Variants in CLCN7 observed in about 807,000 individuals in gnomAD.
CLCN7 encodes the protein H(+)/Cl(-) exchange transporter 7.
In CLCN7, 60 loss-of-function variants were observed where a neutral mutation model predicts 102.1. That is an observed-to-expected ratio of 0.59 (90% CI 0.48 to 0.73). CLCN7 has a LOEUF of 0.73. Among genes scored for constraint, CLCN7 ranks in the 30% least tolerant of loss-of-function variants. The pLI is 0.00. For synonymous variants in CLCN7, 560 were observed against 490.5 expected (o/e 1.14, Z -1.87); for missense variants, 962 against 1,125.7 (o/e 0.85, Z 2.08).
chr16:1,447,840 G>A (rs912531253), intron 21 of CLCN7, 126 bp from the exon 22 acceptor site: 19 of 1,036,590 alleles, frequency 1.8e-5, no homozygotes, highest in African/African-American at 4.8e-5. Flanking sequence ...GCCCCGTGTC[G>A]GTGGCTACCT....
rs2038917756 is a variant in CLCN7 at position 1,460,526 on chromosome 16, A to G, written c.486T>C (p.Asn162=). The stretch of plus-strand genomic sequence containing the variant: ...CGCCCTTCTCTGTGAACTTGTCGAT[A>G]TCTGGGGCTCATCAAGGAGGGCTGG... ...AGLKYRVIKG[N]IDKFTEKGGL... Residue 162 remains asparagine, a splice_region_variant and synonymous_variant, in exon 6 of 25, where the codon AAT becomes AAC. Transcript: ENST00000382745. 4.3e-6 allele frequency: 7 copies of G among 1,611,308 alleles called. No homozygotes were observed. The East Asian group carries it at 1.6e-4, about 36-fold the overall frequency.
chr16:1,457,706 C>T lies in CLCN7; in HGVS notation c.726G>A (p.Leu242=), dbSNP rs773054717. The T allele has an allele frequency of 1.2e-6, 2 of 1,613,884 alleles. No individual in the cohort carries two copies. The highest frequency in any genetic ancestry group is 1.6e-4 in the Middle Eastern group (1 of 6,062). The change falls in exon 8 of 25, where the codon CTG becomes CTA. Residue 242 remains leucine (L), a synonymous_variant. Coordinates refer to ENST00000382745, the MANE Select transcript of CLCN7 (RefSeq NM_001287.6). This position sits in a 1 kb window ranked among gnomAD's most constrained non-coding sequence, Gnocchi z 5.4. The stretch of plus-strand genomic sequence containing the variant: ...TGCACTTTGTTACCTTTCCCACGGC[C>T]AGGCCCCCGACCACGGACAGGATCA... ...SGVILSVVGG[L]AVGKEGPMIH... is the part of the protein sequence containing the mutation.
chr16:1,461,380 C>G, intron 4 of CLCN7, 25 bp downstream of exon 4: 1 of 1,546,768 alleles, frequency 6.5e-7, no homozygotes, highest in African/African-American at 1.4e-5. Context: ...CCGTGGGGCC[C>G]TGCAGGGAGC....
chr16:1,464,165 G>A lies in CLCN7; in HGVS notation c.213+1102C>T, dbSNP rs565378026. ...ACGGGAGAAAACTTCTATAAATCAT[G>A]TATTGGATGAGAGATTTGCATCTAT... On this transcript the variant is annotated intron_variant, in intron 2 of 24. Transcript: ENST00000382745. Among the ~76,000 whole-genome samples the A allele has an allele frequency of 1.2e-4, 19 of 152,276 alleles. No individual in the cohort carries two copies. The East Asian group carries it at 3.7e-3, about 29-fold the overall frequency.
intron 16 of CLCN7, among the ~76,000 whole-genome samples, chr16:1,451,134 G>A (rs1228761220): frequency 2.0e-5 from 3 of 152,362 alleles, no homozygotes; most frequent in African/African-American, 4.8e-5. Context: ...CCAAGGTCGC[G>A]GTCTGCGCTT....
intron 1 of CLCN7, among the ~76,000 whole-genome samples, chr16:1,469,093 C>G (rs2039043954): frequency 6.6e-6 from 1 of 151,196 alleles, no homozygotes; most frequent in South Asian, 2.1e-4. Flanking sequence ...GTAATCCCAG[C>G]TACTCGGGAG....
chr16:1,464,269 C>T (rs1056792560), intron 2 of CLCN7, among the ~76,000 whole-genome samples: 4 of 152,196 alleles, frequency 2.6e-5, no homozygotes, highest in Admixed American at 6.5e-5. Context: ...CGCGTGTGGC[C>T]GGCCAGGCAC....
intron 2 of CLCN7, among the ~76,000 whole-genome samples, chr16:1,462,886 C>A (rs868406265): frequency 2.0e-5 from 3 of 151,852 alleles, no homozygotes; most frequent in Non-Finnish European, 2.9e-5. Flanking sequence ...CTGGGCCGGG[C>A]GCAATGGCTG....
rs779468437 is a variant in CLCN7 at position 1,459,090 on chromosome 16, G to A, written c.675+17C>T. On this transcript the variant is annotated intron_variant, in intron 7 of 24. Coordinates refer to ENST00000382745, the MANE Select transcript of CLCN7 (RefSeq NM_001287.6). Reference sequence around the variant, plus strand: ...GCGGGCGCCCACCCTGCCCAGCCAGGGCCACCGCACCCTCACCTTGAGCCG... The same window carrying A: ...GCGGGCGCCCACCCTGCCCAGCCAGAGCCACCGCACCCTCACCTTGAGCCG... 6.2e-7 allele frequency: 1 copy of A among 1,601,352 alleles called. No individual in the cohort carries two copies. Among genetic ancestry groups the A allele is most frequent in the East Asian group, 2.2e-5 (1 of 44,546 alleles).
At position 1,449,376 on chromosome 16, in the gene CLCN7, C is replaced by T. The variant is rs742408; in HGVS notation, c.1618-49G>A. On this transcript the variant is annotated intron_variant, in intron 17 of 24. Transcript: ENST00000382745. ...GTGTCAGTGTGGTGGCAGGCCCAAA[C>T]CCACCAAGATACACAGACGGAGGAG... is the stretch of plus-strand genomic sequence containing the variant. 613,685 of 1,546,862 alleles carry T rather than the reference C, an allele frequency of 0.4. 126,317 individuals are homozygous for T. Among genetic ancestry groups the T allele is most frequent in the East Asian group, 0.77 (32,166 of 41,622 alleles).
rs186652583 is a variant in CLCN7, at chr16:1,468,281, C to T, written c.142-2943G>A. 1.8e-4 allele frequency among the ~76,000 whole-genome samples: 28 copies of T among 152,306 alleles called. No homozygotes were observed. In the East Asian group the frequency reaches 3.1e-3, roughly 17 times the overall value. The stretch of plus-strand genomic sequence containing the variant: ...TATGTGACCAGCGGGCCACCCCCAC[C>T]GCCGCCGCCTTGGCAGATCCGAGAG... On this transcript the variant is annotated intron_variant, in intron 1 of 24. Transcript: ENST00000382745.
In CLCN7 at chr16:1,457,715, G is replaced by A. The variant is rs776056110; in HGVS notation, c.717C>T (p.Val239=). The A allele has an allele frequency of 4.8e-5, 77 of 1,613,686 alleles. 2 individuals carry two copies. The South Asian group carries it at 4.9e-4, about 10-fold the overall frequency. ...TTACCTTTCCCACGGCCAGGCCCCC[G>A]ACCACGGACAGGATCACACCGGACA... is the stretch of plus-strand genomic sequence containing the variant. ...IKVSGVILSV[V]GGLAVGKEGP... is the part of the protein sequence containing the mutation. Residue 239 remains valine, a synonymous_variant, in exon 8 of 25, where the codon GTC becomes GTT. Coordinates refer to ENST00000382745, the MANE Select transcript of CLCN7 (RefSeq NM_001287.6). This position sits in a 1 kb window ranked among gnomAD's most constrained non-coding sequence, Gnocchi z 5.4.
At chr16:1,456,043 A>G in intron 10 of CLCN7, 70 bp downstream of exon 10, 1 of 1,321,314 alleles carries the variant, frequency 7.6e-7, no homozygotes, top group Non-Finnish European at 1.1e-6. Flanking sequence ...CTGGGCCTAC[A>G]GAGAGGAGAC....
chr16:1,463,668 G>C (rs2038968425), intron 2 of CLCN7, among the ~76,000 whole-genome samples: 1 of 151,798 alleles, frequency 6.6e-6, no homozygotes, highest in African/African-American at 2.4e-5. Flanking sequence ...GTTTTTTGTA[G>C]AGACAGGGTC....
chr16:1,460,312 G>A, intron 6 of CLCN7, 106 bp downstream of exon 6: 1 of 837,758 alleles, frequency 1.2e-6, no homozygotes, highest in Non-Finnish European at 2.0e-6. Context: ...CGGGTTGTCA[G>A]CCAATGTGAT....
At chr16:1,460,688 G>A (rs2038921007) in intron 5 of CLCN7, 128 bp downstream of exon 5, 2 of 1,441,964 alleles carry the variant, frequency 1.4e-6, no homozygotes, top group East Asian at 2.3e-5. Context: ...ACCATGACAG[G>A]GACACAGCCA....
intron 1 of CLCN7, among the ~76,000 whole-genome samples, chr16:1,472,987 TG>T: frequency 6.6e-6 from 1 of 150,808 alleles, no homozygotes; most frequent in Non-Finnish European, 1.5e-5. Context: ...AGGCTGGTCT[TG>T]AACTTCTGGG....
In CLCN7 at chr16:1,457,154, C is replaced by G. The variant is rs1340495803; in HGVS notation, c.822+100G>C. On this transcript the variant is annotated intron_variant, in intron 9 of 24. Transcript: ENST00000382745. The surrounding 1 kb of genome is among the most constrained non-coding windows in gnomAD (Gnocchi z 5.4). Reference sequence around the variant, plus strand: ...AGGCTGTCCTCAGATGGGGCTGGGGCTCTCGGCCTGGGGGTGCTGAGGGAA... The same window carrying G: ...AGGCTGTCCTCAGATGGGGCTGGGGGTCTCGGCCTGGGGGTGCTGAGGGAA... 1.2e-5 allele frequency: 14 copies of G among 1,128,824 alleles called. No individual in the cohort carries two copies. Among genetic ancestry groups the G allele is most frequent in the Non-Finnish European group, 1.9e-5 (14 of 745,628 alleles). The allele number at this position is 1,128,824 out of a possible 1,614,324, so 69.9% of individuals were successfully genotyped here.
intron 15 of CLCN7, 180 bp from the exon 16 acceptor site, chr16:1,451,896 G>A: frequency 1.6e-6 from 1 of 629,042 alleles, no homozygotes; most frequent in Non-Finnish European, 2.9e-6. Context: ...GGACACACAA[G>A]GCCCAAGCCA....
Sources: gnomAD v4.1 joint callset for allele counts (sites outside exome capture counted in the v4.1 genomes callset) on GRCh38, gnomAD v4.1.1 for gene constraint, Gnocchi (gnomAD v3.1) non-coding constraint, MANE v1.5 for transcripts, NCBI Gene and HGNC (gene_info 2026-07-23, HGNC 2026-07-21) for gene names.